Variants in SLC35F3 observed in about 807,000 individuals in gnomAD.
The protein encoded by SLC35F3 is solute carrier family 35 member F3.
SLC35F3 carries 25 observed loss-of-function variants against 49.9 expected under a neutral mutation model. That is an observed-to-expected ratio of 0.50 (90% confidence interval 0.37 to 0.70). SLC35F3 has a LOEUF of 0.70. SLC35F3 is among the 30% of genes least tolerant of loss of function. The pLI is 0.00. For synonymous variants in SLC35F3, 275 were observed against 265.4 expected, an observed-to-expected ratio of 1.04 and a Z score of -0.35; for missense variants, 525 against 639.8, an observed-to-expected ratio of 0.82 and a Z score of 1.94.
In SLC35F3 at chr1:234,046,591, G is replaced by T. The variant is rs1014566431; in HGVS notation, c.283+140833G>T. Among the ~76,000 whole-genome samples, 2 of 152,042 alleles carry T rather than the reference G, an allele frequency of 1.3e-5. No homozygotes were observed. The highest frequency in any genetic ancestry group is 4.8e-5 in the African/African-American group (2 of 41,432). On this transcript the variant is annotated intron_variant, in intron 2 of 7. Transcript: ENST00000366618. This position sits in a 1 kb window ranked among gnomAD's most constrained non-coding sequence, Gnocchi z 4.4. Reference sequence around the variant, plus strand: ...TGTGAGGTCTTTTTTGTTTGTGCAAGTTAATATTTATGAATGATTTTACTC... The same window carrying T: ...TGTGAGGTCTTTTTTGTTTGTGCAATTTAATATTTATGAATGATTTTACTC...
intron 2 of SLC35F3, among the ~76,000 whole-genome samples, chr1:233,918,490 T>C (rs1662006219): frequency 6.6e-6 from 1 of 152,206 alleles, no homozygotes; most frequent in Non-Finnish European, 1.5e-5. Context: ...TGAAGGTCTG[T>C]TGCTTATTAA....
chr1:234,101,183 T>C (rs982576822), intron 2 of SLC35F3, among the ~76,000 whole-genome samples: 8 of 152,052 alleles, frequency 5.3e-5, no homozygotes, highest in Non-Finnish European at 1.2e-4. Context: ...TGCCCTGCAG[T>C]ATGGACTCAG....
At chr1:234,307,363 C>T (rs1657224902) in intron 3 of SLC35F3, among the ~76,000 whole-genome samples, 1 of 152,206 alleles carries the variant, frequency 6.6e-6, no homozygotes, top group African/African-American at 2.4e-5. Context: ...GCACCAGACT[C>T]CACAAAACGG....
chr1:233,909,025 A>AT (rs567457441), intron 2 of SLC35F3, among the ~76,000 whole-genome samples: 1 of 141,646 alleles, frequency 7.1e-6, no homozygotes, highest in Non-Finnish European at 1.5e-5. Context: ...TGCCCGGCTA[A>AT]TTTTTGTATT....
chr1:234,172,113 C>T (rs938259669), intron 2 of SLC35F3, among the ~76,000 whole-genome samples: 2 of 152,180 alleles, frequency 1.3e-5, no homozygotes, highest in South Asian at 4.1e-4. Context: ...GCCTCTAGCA[C>T]CCAGTTGGAC....
At chr1:234,201,209 A>G (rs1438294341) in intron 2 of SLC35F3, among the ~76,000 whole-genome samples, 2 of 152,246 alleles carry the variant, frequency 1.3e-5, no homozygotes, top group East Asian at 3.8e-4. Context: ...ATAGACAAGT[A>G]TCCTATGAAT....
At chr1:234,283,321 G>A (rs1358821140) in intron 3 of SLC35F3, among the ~76,000 whole-genome samples, 1 of 152,166 alleles carries the variant, frequency 6.6e-6, no homozygotes, top group African/African-American at 2.4e-5. Context: ...TCCTTCTTAT[G>A]CTTTACCCAC....
chr1:233,965,672 C>A (rs1221697676), intron 2 of SLC35F3, among the ~76,000 whole-genome samples: 5 of 152,132 alleles, frequency 3.3e-5, no homozygotes, highest in African/African-American at 7.2e-5. Context: ...CTGGAGTGAG[C>A]TTGGAAGTGG....
At chr1:233,979,609 A>G (rs745808312) in intron 2 of SLC35F3, among the ~76,000 whole-genome samples, 1 of 152,140 alleles carries the variant, frequency 6.6e-6, no homozygotes, top group Non-Finnish European at 1.5e-5. Flanking sequence ...TCAAAGCAAT[A>G]AAATAGGTGG....
intron 2 of SLC35F3, among the ~76,000 whole-genome samples, chr1:233,929,096 C>G (rs915638564): frequency 6.6e-6 from 1 of 151,464 alleles, no homozygotes; most frequent in Non-Finnish European, 1.5e-5. Flanking sequence ...AGGCAGTACT[C>G]TGTCTACCAT....
intron 1 of SLC35F3, 151 bp downstream of exon 1, chr1:233,905,281 T>C (rs1399793194): frequency 1.8e-5 from 16 of 907,442 alleles, no homozygotes; most frequent in Non-Finnish European, 2.7e-5. Flanking sequence ...CAGTCATTCT[T>C]TCCCTCGCCA....
intron 2 of SLC35F3, among the ~76,000 whole-genome samples, chr1:234,043,313 GC>G (rs1304430539): frequency 2.0e-5 from 3 of 152,080 alleles, no homozygotes; most frequent in Non-Finnish European, 4.4e-5. Context: ...TTCTGTTAAT[GC>G]TCATTATAAC....
chr1:234,221,030 G>A (rs1572101089), intron 2 of SLC35F3, among the ~76,000 whole-genome samples: 2 of 152,188 alleles, frequency 1.3e-5, no homozygotes, highest in African/African-American at 4.8e-5. Flanking sequence ...CAGGAGAGAA[G>A]TTTGACCGGC....
At chr1:234,001,696 A>G (rs981621189) in intron 2 of SLC35F3, among the ~76,000 whole-genome samples, 3 of 150,124 alleles carry the variant, frequency 2.0e-5, no homozygotes, top group Non-Finnish European at 4.5e-5. Context: ...CTGCAGTTTA[A>G]GAAATCTTTT....
chr1:233,918,792 C>CTT lies in SLC35F3; in HGVS notation c.283+13035_283+13036insTT, dbSNP rs1337597329. Among the ~76,000 whole-genome samples the CTT allele has an allele frequency of 2.8e-3, 233 of 82,628 alleles. 1 individual carries two copies. The highest frequency in any genetic ancestry group is 6.2e-3 in the African/African-American group (196 of 31,758). 54.2% of individuals were successfully genotyped at this position (82,628 alleles called of 152,430 possible). A position where few individuals can be genotyped will look rare whatever the true frequency, so the allele number is the denominator to read the frequency against. ...TCTCTCTCTCTTTCTCTCTCTCTCT[C>CTT]TCTCTTTCTCTCTCTCTCTCTCTCT... On this transcript the variant is annotated intron_variant, in intron 2 of 7. Transcript: ENST00000366618.
At chr1:233,953,275 C>T (rs1662638838) in intron 2 of SLC35F3, among the ~76,000 whole-genome samples, 1 of 152,046 alleles carries the variant, frequency 6.6e-6, no homozygotes, top group Non-Finnish European at 1.5e-5. Flanking sequence ...AGGTATATTA[C>T]ATTTGATAGA....
intron 2 of SLC35F3, among the ~76,000 whole-genome samples, chr1:233,908,190 A>C (rs1661807097): frequency 6.6e-6 from 1 of 151,644 alleles, no homozygotes; most frequent in South Asian, 2.1e-4. Flanking sequence ...AAAAAAACAA[A>C]ACAAAGACAA....
intron 2 of SLC35F3, among the ~76,000 whole-genome samples, chr1:234,069,175 T>C (rs1664675684): frequency 7.2e-6 from 1 of 139,356 alleles, no homozygotes; most frequent in Admixed American, 7.7e-5. Context: ...TATAATATAA[T>C]ATATAAAATT....
chr1:233,941,801 G>C (rs1285879081), intron 2 of SLC35F3, among the ~76,000 whole-genome samples: 3 of 152,076 alleles, frequency 2.0e-5, no homozygotes, highest in Non-Finnish European at 4.4e-5. Flanking sequence ...GCTTTATTGA[G>C]ATATGGTTCA....
Sources: gnomAD v4.1 joint callset for allele counts (sites outside exome capture counted in the v4.1 genomes callset) on GRCh38, gnomAD v4.1.1 for gene constraint, Gnocchi (gnomAD v3.1) non-coding constraint, MANE v1.5 for transcripts, NCBI Gene and HGNC (gene_info 2026-07-23, HGNC 2026-07-21) for gene names.